USP31: variants seen among roughly 807,000 people sequenced by gnomAD.
USP31 encodes ubiquitin carboxyl-terminal hydrolase 31.
Under a neutral mutation model 119.4 loss-of-function variants are expected in USP31, and 44 were observed. That is an observed-to-expected ratio of 0.37 (90% CI 0.29 to 0.47). USP31 has a LOEUF of 0.47. Among genes scored for constraint, USP31 ranks in the 20% least tolerant of loss-of-function variants. The probability of loss-of-function intolerance (pLI) is 0.99; values close to 1 mark genes in which losing one functional copy is unlikely to be tolerated. For missense variants in USP31, 1,643 were observed against 1,730.2 expected, an observed-to-expected ratio of 0.95 and a Z score of 0.89; for synonymous variants, 749 against 705.6, an observed-to-expected ratio of 1.06 and a Z score of -0.97.
At chr16:23,085,961 T>C (rs1901091323) in intron 9 of USP31, among the ~76,000 whole-genome samples, 1 of 152,244 alleles carries the variant, frequency 6.6e-6, no homozygotes, top group Admixed American at 6.5e-5. Context: ...ATAGTCATTA[T>C]GACCTTCCCA....
Position 23,069,579 on chromosome 16 carries a change from C to G in USP31, c.2526G>C (p.Gln842His). The change falls in exon 16 of 16, where the codon CAG becomes CAC. Residue 842 changes from glutamine to histidine, a missense_variant. Physicochemically the swap from Gln to His is conservative, Grantham distance 24. Transcript: ENST00000219689. The stretch of plus-strand genomic sequence containing the variant: ...AAGATCTGGATGACAAACTCTGACG[C>G]TGGACACTTCTCACAAATGGTCGAG... ...FSTRPFVRSV[Q>H]RQSLSSRSSV... The G allele has an allele frequency of 6.2e-7, 1 of 1,611,630 alleles. No individual in the cohort carries two copies. The highest frequency in any genetic ancestry group is 8.5e-7 in the Non-Finnish European group (1 of 1,177,928).
In USP31 at chr16:23,148,647, G is replaced by C; in HGVS notation, c.624C>G (p.Arg208=). Residue 208 remains arginine, a synonymous_variant, in exon 1 of 16, where the codon CGC becomes CGG. Transcript: ENST00000219689. ...WTLEYTPQHS[R]DFKTIVSKNA... Reference sequence around the variant, plus strand: ...CGGCGCGCGGGCTCACCTTGAAGTCGCGGCTGTGCTGCGGGGTGTACTCCA... The same window carrying C: ...CGGCGCGCGGGCTCACCTTGAAGTCCCGGCTGTGCTGCGGGGTGTACTCCA... The C allele has an allele frequency of 6.7e-7, 1 of 1,487,724 alleles. No homozygotes were observed. The highest frequency in any genetic ancestry group is 8.9e-7 in the Non-Finnish European group (1 of 1,124,176). 92.2% of individuals were successfully genotyped at this position (1,487,724 alleles called of 1,614,324 possible).
At chr16:23,074,111 G>A in intron 13 of USP31, 1 of 539,060 alleles carries the variant, frequency 1.9e-6, no homozygotes, top group Non-Finnish European at 3.3e-6. Flanking sequence ...GTTCATCTTA[G>A]AAAACACATA....
intron 1 of USP31, among the ~76,000 whole-genome samples, chr16:23,134,261 C>T (rs539800306): frequency 6.6e-6 from 1 of 152,136 alleles, no homozygotes; most frequent in East Asian, 1.9e-4. Flanking sequence ...AAACAGAATA[C>T]AAAATTCAGA....
chr16:23,115,481 C>T (rs911652725), intron 1 of USP31, among the ~76,000 whole-genome samples: 1 of 151,842 alleles, frequency 6.6e-6, no homozygotes, highest in Admixed American at 6.6e-5. Context: ...ATATCGAGAC[C>T]CTGTCTCTAT....
chr16:23,090,203 G>A (rs1161972317), intron 7 of USP31, among the ~76,000 whole-genome samples: 1 of 152,108 alleles, frequency 6.6e-6, no homozygotes, highest in African/African-American at 2.4e-5. Context: ...TGACCAACAT[G>A]GTGAAACCTC....
intron 1 of USP31, among the ~76,000 whole-genome samples, chr16:23,133,970 G>A (rs1390569518): frequency 4.6e-5 from 7 of 152,036 alleles, no homozygotes; most frequent in Admixed American, 1.3e-4. Flanking sequence ...CAAGCTACTC[G>A]GGAGGCTGAG....
chr16:23,110,669 G>A (rs1458381251), intron 1 of USP31, among the ~76,000 whole-genome samples: 5 of 152,100 alleles, frequency 3.3e-5, no homozygotes, highest in Non-Finnish European at 5.9e-5. Context: ...GATCTCTGTT[G>A]CCCCACTTCC....
intron 1 of USP31, chr16:23,115,948 G>A: frequency 4.5e-6 from 1 of 221,806 alleles, no homozygotes; most frequent in Non-Finnish European, 7.6e-6. Flanking sequence ...CAGGCTCCAG[G>A]GAAAAGATAC....
chr16:23,119,615 C>G (rs375125875), intron 1 of USP31, among the ~76,000 whole-genome samples: 15 of 152,326 alleles, frequency 9.8e-5, no homozygotes, highest in African/African-American at 3.4e-4. Context: ...GGGAATTTAT[C>G]TGCTCTTAAA....
chr16:23,087,935 T>C (rs1901182649), intron 7 of USP31, 100 bp from the exon 8 acceptor site: 1 of 1,052,804 alleles, frequency 9.5e-7, no homozygotes, highest in South Asian at 1.5e-5. Context: ...CACAATATAA[T>C]TGGCTTTAGG....
At chr16:23,143,814 A>T (rs1903426463) in intron 1 of USP31, among the ~76,000 whole-genome samples, 1 of 150,848 alleles carries the variant, frequency 6.6e-6, no homozygotes, top group African/African-American at 2.4e-5. Context: ...ACCACATGCC[A>T]GTAGCACCCT....
chr16:23,081,809 C>T (rs1900841288), intron 12 of USP31, among the ~76,000 whole-genome samples: 1 of 152,220 alleles, frequency 6.6e-6, no homozygotes, highest in Non-Finnish European at 1.5e-5. Flanking sequence ...CACTGTCGGG[C>T]TTTGCACACA....
chr16:23,108,054 G>A lies in USP31; in HGVS notation c.763C>T (p.Pro255Ser), dbSNP rs1902180930. 1 of 1,613,096 alleles carries A rather than the reference G, an allele frequency of 6.2e-7. No individual in the cohort carries two copies. The highest frequency in any genetic ancestry group is 1.7e-5 in the Admixed American group (1 of 59,834). ...NHSVKQSGQPPLKPPSETDMM... is the reference protein window; with the variant it reads ...NHSVKQSGQPSLKPPSETDMM... Reference sequence around the variant, plus strand: ...GCAGCATGCGTCCTTACCTTCAGAGGAGGCTGGCCACTCTGCTTCACTGAA... The same window carrying A: ...GCAGCATGCGTCCTTACCTTCAGAGAAGGCTGGCCACTCTGCTTCACTGAA... The change falls in exon 2 of 16, where the codon CCT becomes TCT. Residue 255 changes from proline to serine, a missense_variant. Coordinates refer to ENST00000219689, the MANE Select transcript of USP31 (RefSeq NM_020718.4).
chr16:23,088,052 C>G (rs78285664), intron 7 of USP31, among the ~76,000 whole-genome samples: 3,682 of 152,188 alleles, frequency 0.024, 54 homozygotes, highest in African/African-American at 0.038. Flanking sequence ...ACCAAAATGG[C>G]TTCTAGGGGA....
At chr16:23,102,258 A>C in intron 6 of USP31, 61 bp downstream of exon 6, 1 of 1,534,604 alleles carries the variant, frequency 6.5e-7, no homozygotes, top group South Asian at 1.3e-5. Flanking sequence ...ACAACTAAAA[A>C]GGTAGACTAT....
rs534485367 is a variant in USP31, at chr16:23,066,334, C to T, written c.*1712G>A. The T allele has an allele frequency of 5.9e-5, 9 of 152,514 alleles. No individual in the cohort carries two copies. Among genetic ancestry groups the T allele is most frequent in the African/African-American group, 2.2e-4 (9 of 41,446 alleles). The allele number at this position is 152,514 out of a possible 1,614,324, so 9.4% of individuals were successfully genotyped here. ...AGTGGTCTCCAGACTTGCAAGTTAC[C>T]GGCTAATGCGCAAATTAGCAGCAAA... On this transcript the variant is annotated 3_prime_UTR_variant, in exon 16 of 16. Transcript: ENST00000219689.
intron 7 of USP31, among the ~76,000 whole-genome samples, chr16:23,088,408 G>T (rs13332341): frequency 6.6e-6 from 1 of 152,102 alleles, no homozygotes; most frequent in African/African-American, 2.4e-5. Context: ...TCCAGCCCCC[G>T]GAGAGATTCT....
intron 1 of USP31, among the ~76,000 whole-genome samples, chr16:23,109,046 G>C (rs2141877026): frequency 6.6e-6 from 1 of 152,290 alleles, no homozygotes; most frequent in African/African-American, 2.4e-5. Flanking sequence ...TAGTCAGAGA[G>C]GGAAGTTACA....
Sources: allele counts gnomAD v4.1 joint callset (sites outside exome capture counted in the v4.1 genomes callset), GRCh38; gene constraint gnomAD v4.1.1; transcripts MANE v1.5; gene names NCBI Gene and HGNC (gene_info 2026-07-23, HGNC 2026-07-21).